Variants in MYOZ1 observed in about 807,000 individuals in gnomAD.
The protein encoded by MYOZ1 is myozenin-1.
A neutral mutation model predicts 28.7 loss-of-function variants in MYOZ1; 20 were observed. The observed-to-expected ratio is 0.70, with a 90% CI of 0.49 to 1.01. The LOEUF is 1.01. Ranked by LOEUF, MYOZ1 falls within the 50% of genes least tolerant of loss-of-function variation. MYOZ1 has a pLI of 0.00. For synonymous variants in MYOZ1, 144 were observed against 145.8 expected (o/e 0.99, Z 0.09); for missense variants, 371 against 372.4 (o/e 1.00, Z 0.03).
At chr10:73,638,052 G>C (rs1161148501) in intron 2 of MYOZ1, 130 bp from the exon 3 acceptor site, 2 of 815,990 alleles carry the variant, frequency 2.5e-6, no homozygotes, top group African/African-American at 1.7e-5. Context: ...GGGAACAAAT[G>C]CTGTCTAGTT....
intron 3 of MYOZ1, among the ~76,000 whole-genome samples, chr10:73,635,773 G>A (rs924338590): frequency 6.6e-6 from 1 of 152,082 alleles, no homozygotes; most frequent in Non-Finnish European, 1.5e-5. Flanking sequence ...TCCTCAGCTT[G>A]TCCAACAGTC....
At chr10:73,635,860 C>A (rs1413201597) in intron 3 of MYOZ1, among the ~76,000 whole-genome samples, 3 of 152,192 alleles carry the variant, frequency 2.0e-5, no homozygotes, top group Admixed American at 2.0e-4. Context: ...GACAGTGACA[C>A]TGTAGCAGGT....
intron 3 of MYOZ1, among the ~76,000 whole-genome samples, chr10:73,635,684 A>G (rs550472813): frequency 9.2e-5 from 14 of 152,270 alleles, no homozygotes; most frequent in East Asian, 1.9e-4. Context: ...TCCAGCCCCA[A>G]CTAAAATTTG....
At chr10:73,640,488 G>C (rs540681062) in intron 1 of MYOZ1, among the ~76,000 whole-genome samples, 9 of 152,300 alleles carry the variant, frequency 5.9e-5, no homozygotes, top group African/African-American at 2.2e-4. Flanking sequence ...GTGAAAACTT[G>C]CGCTTTAGGG....
chr10:73,636,578 C>G (rs995693958), intron 3 of MYOZ1, among the ~76,000 whole-genome samples: 6 of 152,182 alleles, frequency 3.9e-5, no homozygotes, highest in Middle Eastern at 3.4e-3. Context: ...ACCTCACCCT[C>G]CAGAGTAGCT....
intron 4 of MYOZ1, 53 bp downstream of exon 4, chr10:73,634,431 G>A (rs2081654374): frequency 3.1e-6 from 5 of 1,599,856 alleles, no homozygotes; most frequent in Non-Finnish European, 4.3e-6. Flanking sequence ...ATCATTCCTG[G>A]GACAACTCTG....
At chr10:73,638,010 T>C (rs924002235) in intron 2 of MYOZ1, 88 bp from the exon 3 acceptor site, 8 of 1,193,222 alleles carry the variant, frequency 6.7e-6, no homozygotes, top group Non-Finnish European at 9.5e-6. Flanking sequence ...CACAACTAAG[T>C]GTGTATGTGT....
At chr10:73,639,621 T>C (rs2081691058) in intron 2 of MYOZ1, among the ~76,000 whole-genome samples, 1 of 152,174 alleles carries the variant, frequency 6.6e-6, no homozygotes, top group Admixed American at 6.5e-5. Context: ...TAACCACTTA[T>C]TGAGACCTGA....
intron 3 of MYOZ1, among the ~76,000 whole-genome samples, chr10:73,637,278 G>C (rs1461098904): frequency 6.6e-6 from 1 of 152,024 alleles, no homozygotes; most frequent in African/African-American, 2.4e-5. Context: ...GCCTCCCAAA[G>C]TGCTGGGATT....
Position 73,634,501 on chromosome 10 carries a change from A to C in MYOZ1, c.485T>G (p.Val162Gly). The C allele has an allele frequency of 6.2e-7, 1 of 1,613,870 alleles. No individual in the cohort carries two copies. The highest frequency in any genetic ancestry group is 8.5e-7 in the Non-Finnish European group (1 of 1,179,960). ...GRGGAAGTAGVGETGSGDQAG... is the reference protein window; with the variant it reads ...GRGGAAGTAGGGETGSGDQAG... ...GTACTTGCCTGATCCTGTCTCACCAACCCCTGCTGTGCCAGCAGCTCCTCC... is the reference window on the plus strand; with the variant it reads ...GTACTTGCCTGATCCTGTCTCACCACCCCCTGCTGTGCCAGCAGCTCCTCC... The change falls in exon 4 of 6, where the codon GTT becomes GGT. Residue 162 changes from valine to glycine, a missense_variant. By Grantham distance (109) the Val-to-Gly change is moderately radical (BLOSUM62 -3). Coordinates refer to ENST00000359322, the MANE Select transcript of MYOZ1 (RefSeq NM_021245.4).
At chr10:73,639,076 C>T (rs550625119) in intron 2 of MYOZ1, among the ~76,000 whole-genome samples, 2 of 150,098 alleles carry the variant, frequency 1.3e-5, no homozygotes, top group South Asian at 2.1e-4. Flanking sequence ...CAAAGTGCTG[C>T]GATTACAGGT....
intron 3 of MYOZ1, among the ~76,000 whole-genome samples, chr10:73,636,897 A>T (rs2081670133): frequency 6.6e-6 from 1 of 152,138 alleles, no homozygotes; most frequent in Admixed American, 6.5e-5. Flanking sequence ...ATTGCATGGG[A>T]CATATTTAAA....
Position 73,631,960 on chromosome 10 carries a change from G to A in MYOZ1, c.870C>T (p.Ile290=). 1 of 1,614,022 alleles carries A rather than the reference G, an allele frequency of 6.2e-7. No homozygotes were observed. The part of the protein sequence containing the change: ...EPVDYNVDIG[I]PLDGETEEL Reference sequence around the variant, plus strand: ...GCTCCTCTGTTTCTCCATCCAAGGGGATGCCAATATCCACGTTGTAGTCTA... The same window carrying A: ...GCTCCTCTGTTTCTCCATCCAAGGGAATGCCAATATCCACGTTGTAGTCTA... Residue 290 remains isoleucine, a synonymous_variant, in exon 6 of 6, where the codon ATC becomes ATT. Coordinates refer to ENST00000359322, the MANE Select transcript of MYOZ1 (RefSeq NM_021245.4).
At chr10:73,634,402 C>G (rs950437459) in intron 4 of MYOZ1, 82 bp downstream of exon 4, 1 of 1,543,228 alleles carries the variant, frequency 6.5e-7, no homozygotes, top group Non-Finnish European at 8.8e-7. Flanking sequence ...CTCCTCTGCT[C>G]CCCACACTCA....
At chr10:73,637,602 G>A (rs534334877) in intron 3 of MYOZ1, 142 bp downstream of exon 3, 36 of 786,330 alleles carry the variant, frequency 4.6e-5, no homozygotes, top group Non-Finnish European at 6.9e-5. Flanking sequence ...GAGCTGTTGC[G>A]GGCTCAATAT....
intron 1 of MYOZ1, among the ~76,000 whole-genome samples, chr10:73,640,534 G>C (rs1052295460): frequency 1.3e-5 from 2 of 152,192 alleles, no homozygotes; most frequent in African/African-American, 4.8e-5. Flanking sequence ...AGGAAGTATA[G>C]ATGCACACCA....
Position 73,631,998 on chromosome 10 carries a change from A to T in MYOZ1, c.832T>A (p.Ser278Thr), listed in dbSNP as rs2081637765. The change falls in exon 6 of 6, where the codon TCT (serine) becomes ACT (threonine). Residue 278 changes from serine to threonine, a missense_variant. Physicochemically the swap from Ser to Thr is moderately conservative, Grantham distance 58 (BLOSUM62 1). Coordinates refer to ENST00000359322, the MANE Select transcript of MYOZ1 (RefSeq NM_021245.4). The stretch of plus-strand genomic sequence containing the variant: ...ACGTTGTAGTCTACAGGCTCCCCAG[A>T]GCTCAGCCAGGGAATAGGGGTTCGA... ...FNRTPIPWLSSGEPVDYNVDI... is the reference protein window; with the variant it reads ...FNRTPIPWLSTGEPVDYNVDI... 4.3e-6 allele frequency: 7 copies of T among 1,614,042 alleles called. No individual in the cohort carries two copies. Among genetic ancestry groups the T allele is most frequent in the Non-Finnish European group, 5.9e-6 (7 of 1,180,012 alleles).
At chr10:73,640,140 G>A (rs1477306347) in intron 1 of MYOZ1, 105 bp from the exon 2 acceptor site, 1 of 911,948 alleles carries the variant, frequency 1.1e-6, no homozygotes, top group Non-Finnish European at 1.7e-6. Context: ...GGCTTGAGGG[G>A]ACAAAAAAAT....
intron 5 of MYOZ1, among the ~76,000 whole-genome samples, chr10:73,632,592 C>T (rs2081641232): frequency 6.6e-6 from 1 of 151,058 alleles, no homozygotes; most frequent in East Asian, 2.0e-4. Flanking sequence ...TGGTGAAACG[C>T]CATCTCTACT....
Sources: gnomAD v4.1 joint callset for allele counts (sites outside exome capture counted in the v4.1 genomes callset) on GRCh38, gnomAD v4.1.1 for gene constraint, MANE v1.5 for transcripts, NCBI Gene and HGNC (gene_info 2026-07-23, HGNC 2026-07-21) for gene names.